CNTN5: variants seen among roughly 807,000 people sequenced by gnomAD.
CNTN5 encodes the protein contactin 5, also known as contactin-5.
A neutral mutation model predicts 129.1 loss-of-function variants in CNTN5; 77 were observed. That is an observed-to-expected ratio of 0.60 (90% CI 0.50 to 0.72). The LOEUF (loss-of-function observed/expected upper bound fraction) is 0.72. CNTN5 is among the 30% of genes least tolerant of loss of function. The pLI, the probability that CNTN5 is intolerant of heterozygous loss-of-function variation, is 0.00. For missense variants in CNTN5, 1,478 were observed against 1,328.8 expected, an observed-to-expected ratio of 1.11 and a Z score of -1.75; for synonymous variants, 509 against 465.6, an observed-to-expected ratio of 1.09 and a Z score of -1.20.
At chr11:99,766,050 G>T (rs1031745730) in intron 3 of CNTN5, among the ~76,000 whole-genome samples, 6 of 151,806 alleles carry the variant, frequency 4.0e-5, no homozygotes, top group African/African-American at 9.7e-5. Flanking sequence ...ATTTTCTCTG[G>T]TAATCAAATG....
chr11:99,128,702 C>G (rs1253240661), intron 1 of CNTN5, among the ~76,000 whole-genome samples: 1 of 152,162 alleles, frequency 6.6e-6, no homozygotes, highest in East Asian at 1.9e-4. Context: ...CACCAGACAC[C>G]TCATACAGGA....
chr11:99,721,573 A>G (rs1422578143), intron 3 of CNTN5, among the ~76,000 whole-genome samples: 1 of 152,070 alleles, frequency 6.6e-6, no homozygotes, highest in Non-Finnish European at 1.5e-5. Context: ...ATAGGAACCA[A>G]CAAAGATTTC....
chr11:99,976,062 G>T (rs911700092), intron 8 of CNTN5, among the ~76,000 whole-genome samples: 3 of 152,180 alleles, frequency 2.0e-5, no homozygotes, highest in African/African-American at 7.2e-5. Flanking sequence ...GGAGAAACTG[G>T]TCATAACCAA....
At chr11:99,799,394 A>G (rs577713119) in intron 3 of CNTN5, among the ~76,000 whole-genome samples, 4 of 152,016 alleles carry the variant, frequency 2.6e-5, no homozygotes, top group South Asian at 4.2e-4. Context: ...TTTGTCATAA[A>G]TGGCTTTTAT....
chr11:100,157,839 T>TATAG (rs1323808334), intron 13 of CNTN5, among the ~76,000 whole-genome samples: 1 of 143,094 alleles, frequency 7.0e-6, no homozygotes, highest in Non-Finnish European at 1.5e-5. Context: ...TCCAGATCTA[T>TATAG]ATAGATAAAT....
chr11:99,918,375 G>C (rs951949534), intron 7 of CNTN5, among the ~76,000 whole-genome samples: 3 of 152,038 alleles, frequency 2.0e-5, no homozygotes, highest in Admixed American at 2.0e-4. Flanking sequence ...CAAAAAACCA[G>C]TTATACAGAC....
intron 13 of CNTN5, among the ~76,000 whole-genome samples, chr11:100,079,450 A>C (rs906165553): frequency 1.3e-5 from 2 of 152,000 alleles, no homozygotes; most frequent in African/African-American, 2.4e-5. Flanking sequence ...AGAGCCCCAA[A>C]CCTGTCGTCA....
intron 10 of CNTN5, among the ~76,000 whole-genome samples, chr11:100,062,966 T>G (rs1012782769): frequency 1.3e-5 from 2 of 152,150 alleles, no homozygotes; most frequent in African/African-American, 4.8e-5. Flanking sequence ...TTACCATCCC[T>G]CTGTACAGAT....
In CNTN5 at chr11:99,107,056, T is replaced by C. The variant is rs1340522200; in HGVS notation, c.-210+85786T>C. Among the ~76,000 whole-genome samples, 3 of 152,146 alleles carry C rather than the reference T, an allele frequency of 2.0e-5. No individual in the cohort carries two copies. In the East Asian group the frequency reaches 5.8e-4, roughly 29 times the overall value. ...AGGTACCTATCCAAAATGCTATCTGTTATCAAACAAGTGATAGCTGTAAAT... is the reference window on the plus strand; with the variant it reads ...AGGTACCTATCCAAAATGCTATCTGCTATCAAACAAGTGATAGCTGTAAAT... On this transcript the variant is annotated intron_variant, in intron 1 of 24. Transcript: ENST00000524871.
Position 99,409,409 on chromosome 11 carries a change from A to G in CNTN5, c.-71+83925A>G, listed in dbSNP as rs542729113. Among the ~76,000 whole-genome samples the G allele has an allele frequency of 2.6e-5, 4 of 152,360 alleles. No individual in the cohort carries two copies. In the South Asian group the frequency reaches 8.3e-4, roughly 32 times the overall value. ...CGTGAACCCGGGAGATGGAGCTTGC[A>G]GCAAGCAAAGCCCGTGCTACTGCAC... On this transcript the variant is annotated intron_variant, in intron 2 of 24. Transcript: ENST00000524871.
intron 17 of CNTN5, among the ~76,000 whole-genome samples, chr11:100,264,823 G>C (rs1027706655): frequency 6.6e-6 from 1 of 152,036 alleles, no homozygotes; most frequent in Non-Finnish European, 1.5e-5. Flanking sequence ...CTTCCCCAAG[G>C]GTCGAGCTAA....
chr11:100,089,535 G>T (rs1944674738), intron 13 of CNTN5, among the ~76,000 whole-genome samples: 1 of 152,102 alleles, frequency 6.6e-6, no homozygotes, highest in African/African-American at 2.4e-5. Flanking sequence ...AATACCATTT[G>T]ACCTAGCAAT....
intron 2 of CNTN5, among the ~76,000 whole-genome samples, chr11:99,479,805 G>GA (rs973956893): frequency 1.9e-4 from 29 of 149,084 alleles, no homozygotes; most frequent in Admixed American, 4.7e-4. Flanking sequence ...TTGAGGTAAA[G>GA]AAAAAAAAAC....
At chr11:99,460,798 T>A (rs1944669292) in intron 2 of CNTN5, among the ~76,000 whole-genome samples, 1 of 152,034 alleles carries the variant, frequency 6.6e-6, no homozygotes, top group Admixed American at 6.6e-5. Context: ...TAAAGTGATA[T>A]AGTCACTTTG....
At chr11:99,346,755 C>T (rs955241382) in intron 2 of CNTN5, among the ~76,000 whole-genome samples, 2 of 152,160 alleles carry the variant, frequency 1.3e-5, no homozygotes, top group African/African-American at 4.8e-5. Flanking sequence ...ATGAGGCCCT[C>T]ATGATGAGAT....
At chr11:100,302,422 T>G (rs923363426) in intron 20 of CNTN5, among the ~76,000 whole-genome samples, 2 of 151,632 alleles carry the variant, frequency 1.3e-5, no homozygotes, top group African/African-American at 4.8e-5. Flanking sequence ...TGCTTCCTTA[T>G]TCTTCCATTA....
chr11:99,742,231 C>T (rs931734917), intron 3 of CNTN5, among the ~76,000 whole-genome samples: 2 of 152,118 alleles, frequency 1.3e-5, no homozygotes, highest in Non-Finnish European at 1.5e-5. Flanking sequence ...AGTTTAAATT[C>T]TAAGTTCACT....
At chr11:100,084,627 T>C (rs1287016254) in intron 13 of CNTN5, among the ~76,000 whole-genome samples, 1 of 152,130 alleles carries the variant, frequency 6.6e-6, no homozygotes, top group Non-Finnish European at 1.5e-5. Context: ...TGTTATCATT[T>C]GCATGCTTAC....
chr11:99,776,555 T>A (rs1225341332), intron 3 of CNTN5, among the ~76,000 whole-genome samples: 1 of 151,458 alleles, frequency 6.6e-6, no homozygotes, highest in African/African-American at 2.4e-5. Flanking sequence ...AAGTAGAATG[T>A]TATTCTCAGT....
Sources: allele counts gnomAD v4.1 joint callset (sites outside exome capture counted in the v4.1 genomes callset), GRCh38; gene constraint gnomAD v4.1.1; transcripts MANE v1.5; gene names NCBI Gene and HGNC (gene_info 2026-07-23, HGNC 2026-07-21).